The following CCAR1 variants were observed in gnomAD, a reference collection of about 807,000 sequenced individuals.
The protein encoded by CCAR1 is cell division cycle and apoptosis regulator 1.
A neutral mutation model predicts 163.8 loss-of-function variants in CCAR1; 78 were observed. That is an observed-to-expected ratio of 0.48 (90% CI 0.40 to 0.57). The LOEUF is 0.57. Ranked by LOEUF, CCAR1 falls within the 20% of genes least tolerant of loss-of-function variation. CCAR1 has a pLI of 0.00. For synonymous variants in CCAR1, 443 were observed against 460.7 expected (o/e 0.96, Z 0.49); for missense variants, 1,019 against 1,365.2 (o/e 0.75, Z 4.00).
At chr10:68,769,550 G>C (rs1249148796) in intron 17 of CCAR1, among the ~76,000 whole-genome samples, 1 of 152,054 alleles carries the variant, frequency 6.6e-6, no homozygotes, top group Non-Finnish European at 1.5e-5. Flanking sequence ...AACCTGGGAG[G>C]CGGAGGTTGC....
rs551334867 is a variant in CCAR1, at chr10:68,765,741, G to A, written c.2107-147G>A. ...ATTTGAGCTTTCCTCCCTTCTCAAC[G>A]CTTATGGTTTGTATAAGTACCATGA... is the stretch of plus-strand genomic sequence containing the variant. On this transcript the variant is annotated intron_variant, in intron 16 of 24. Coordinates refer to ENST00000265872, the MANE Select transcript of CCAR1 (RefSeq NM_018237.4). 8.2e-4 allele frequency: 445 copies of A among 542,160 alleles called. 1 individual carries two copies. Among genetic ancestry groups the A allele is most frequent in the Non-Finnish European group, 8.4e-4 (265 of 313,802 alleles). 33.6% of individuals were successfully genotyped at this position (542,160 alleles called of 1,614,324 possible).
intron 19 of CCAR1, among the ~76,000 whole-genome samples, chr10:68,777,590 G>T (rs1031221172): frequency 2.6e-5 from 4 of 151,686 alleles, no homozygotes; most frequent in African/African-American, 9.7e-5. Context: ...AGGCTGAGGC[G>T]TGAGAATCAC....
chr10:68,758,753 A>C (rs896164775), intron 15 of CCAR1, among the ~76,000 whole-genome samples: 3 of 150,612 alleles, frequency 2.0e-5, no homozygotes, highest in Non-Finnish European at 4.4e-5. Flanking sequence ...CACGATCTTA[A>C]CCTATGCCTC....
intron 2 of CCAR1, among the ~76,000 whole-genome samples, chr10:68,726,183 G>T (rs1262874918): frequency 4.2e-5 from 6 of 142,844 alleles, no homozygotes; most frequent in Non-Finnish European, 9.0e-5. Context: ...ATTGAGTCTC[G>T]CTCTGTTGCC....
chr10:68,761,570 G>T (rs2056470667), intron 16 of CCAR1, among the ~76,000 whole-genome samples: 1 of 152,138 alleles, frequency 6.6e-6, no homozygotes, highest in Admixed American at 6.5e-5. Flanking sequence ...CTCCCAAAGT[G>T]CTGGGATTAC....
intron 2 of CCAR1, among the ~76,000 whole-genome samples, chr10:68,724,435 A>T (rs34756266): frequency 0.22 from 33,979 of 151,972 alleles, 4,009 homozygotes; most frequent in South Asian, 0.29. Context: ...GCTACACTCC[A>T]GTCTGGGTGA....
chr10:68,770,425 A>G (rs2056587384), intron 17 of CCAR1, among the ~76,000 whole-genome samples: 1 of 152,200 alleles, frequency 6.6e-6, no homozygotes, highest in Non-Finnish European at 1.5e-5. Context: ...GAGTAAATGA[A>G]TAAGGTACAC....
Position 68,756,641 on chromosome 10 carries a change from T to G in CCAR1, c.1836+158T>G. ...CTTTCAGCAGTATAGTTGTATGTTC[T>G]TTTCTCTTAAAATTTCTGTCTTATT... is the stretch of plus-strand genomic sequence containing the variant. On this transcript the variant is annotated intron_variant, in intron 14 of 24. Coordinates refer to ENST00000265872, the MANE Select transcript of CCAR1 (RefSeq NM_018237.4). This position sits in a 1 kb window ranked among gnomAD's most constrained non-coding sequence, Gnocchi z 5.1. 1.4e-6 allele frequency: 1 copy of G among 717,786 alleles called. No individual in the cohort carries two copies. Among genetic ancestry groups the G allele is most frequent in the Non-Finnish European group, 2.5e-6 (1 of 400,876 alleles). 44.5% of individuals were successfully genotyped at this position (717,786 alleles called of 1,614,324 possible).
intron 2 of CCAR1, among the ~76,000 whole-genome samples, chr10:68,728,114 G>C (rs2055975021): frequency 6.6e-6 from 1 of 152,178 alleles, no homozygotes; most frequent in African/African-American, 2.4e-5. Flanking sequence ...TGGGATTACA[G>C]GTGTGAGCCA....
chr10:68,742,641 AT>A lies in CCAR1; in HGVS notation c.518+74del, dbSNP rs770990361. 5.8e-6 allele frequency: 7 copies of A among 1,199,780 alleles called. No homozygotes were observed. The East Asian group carries it at 1.6e-4, about 28-fold the overall frequency. The allele number at this position is 1,199,780 out of a possible 1,614,324, so 74.3% of individuals were successfully genotyped here. On this transcript the variant is annotated intron_variant, in intron 6 of 24. Coordinates refer to ENST00000265872, the MANE Select transcript of CCAR1 (RefSeq NM_018237.4). ...AAACACCTGTTTAGTTGTGGCAGAA[AT>A]TGTATGTAGCCCAGGCTGGACACAG...
intron 2 of CCAR1, among the ~76,000 whole-genome samples, chr10:68,728,478 A>C (rs555884784): frequency 2.0e-5 from 3 of 152,112 alleles, no homozygotes; most frequent in African/African-American, 7.2e-5. Flanking sequence ...GGTGTCTTCA[A>C]CTGCCTAAGG....
At chr10:68,765,864 T>G in intron 16 of CCAR1, 24 bp from the exon 17 acceptor site, 1 of 1,577,638 alleles carries the variant, frequency 6.3e-7, no homozygotes, top group Non-Finnish European at 8.7e-7. Context: ...GATTTAACCT[T>G]GACTTGAAAT....
chr10:68,790,688 C>T (rs1393849901), intron 24 of CCAR1, among the ~76,000 whole-genome samples: 2 of 151,950 alleles, frequency 1.3e-5, no homozygotes, highest in Non-Finnish European at 2.9e-5. Context: ...TCCAGCACAC[C>T]CAGCTAATTT....
chr10:68,789,144 C>T (rs1018712052), intron 23 of CCAR1, among the ~76,000 whole-genome samples: 9 of 151,032 alleles, frequency 6.0e-5, no homozygotes, highest in Admixed American at 6.6e-5. Context: ...CTCCTGACCT[C>T]GTGATCCGCC....
chr10:68,743,057 C>T (rs1409001230), intron 6 of CCAR1, among the ~76,000 whole-genome samples: 2 of 151,640 alleles, frequency 1.3e-5, no homozygotes, highest in East Asian at 1.9e-4. Context: ...CTCAGCCTCC[C>T]GAGTAGCTGG....
At chr10:68,769,133 C>T (rs2056569901) in intron 17 of CCAR1, among the ~76,000 whole-genome samples, 1 of 152,136 alleles carries the variant, frequency 6.6e-6, no homozygotes, top group Admixed American at 6.6e-5. Flanking sequence ...TGTGCCTACA[C>T]ACCCAGCTAA....
intron 10 of CCAR1, among the ~76,000 whole-genome samples, chr10:68,752,937 TA>T (rs1176123480): frequency 9.4e-4 from 135 of 143,210 alleles, no homozygotes; most frequent in South Asian, 8.1e-3. Context: ...GATAGATAGA[TA>T]GATTCTGTCT....
At position 68,728,678 on chromosome 10, in the gene CCAR1, G is replaced by C. The variant is rs186615539; in HGVS notation, c.73+6101G>C. Among the ~76,000 whole-genome samples, 129 of 152,268 alleles carry C rather than the reference G, an allele frequency of 8.5e-4. 1 individual carries two copies. Among genetic ancestry groups the C allele is most frequent in the African/African-American group, 3.0e-3 (123 of 41,556 alleles). On this transcript the variant is annotated intron_variant, in intron 2 of 24. Coordinates refer to ENST00000265872, the MANE Select transcript of CCAR1 (RefSeq NM_018237.4). ...TTATAGAATAGCACTGTCCAGGCTG[G>C]GCGCGAGTGGCTCTCGCCTGTAATC...
Position 68,761,168 on chromosome 10 carries a change from T to C in CCAR1, c.2082T>C (p.Asp694=). Residue 694 remains aspartate (D), a synonymous_variant, in exon 16 of 25, where the codon GAT becomes GAC. Coordinates refer to ENST00000265872, the MANE Select transcript of CCAR1 (RefSeq NM_018237.4). ...AAAAAGAAGAGGATGAGGATGATGATAGGAAATCTGAAGACGATAAAGAGG... is the reference window on the plus strand; with the variant it reads ...AAAAAGAAGAGGATGAGGATGATGACAGGAAATCTGAAGACGATAAAGAGG... The part of the protein sequence containing the change: ...KSEKEEDEDD[D]RKSEDDKEEE... The C allele has an allele frequency of 5.0e-6, 8 of 1,601,874 alleles. No homozygotes were observed. Among genetic ancestry groups the C allele is most frequent in the Non-Finnish European group, 6.8e-6 (8 of 1,175,824 alleles).
Sources: allele counts gnomAD v4.1 joint callset (sites outside exome capture counted in the v4.1 genomes callset), GRCh38; gene constraint gnomAD v4.1.1; non-coding constraint Gnocchi (gnomAD v3.1); transcripts MANE v1.5; gene names NCBI Gene and HGNC (gene_info 2026-07-23, HGNC 2026-07-21).